GLE1: variants seen among roughly 807,000 people sequenced by gnomAD.
The protein encoded by GLE1 is GLE1 RNA export mediator.
In GLE1, 78 loss-of-function variants were observed where a neutral mutation model predicts 97.3. The observed-to-expected ratio is 0.80, with a 90% CI of 0.67 to 0.97. The LOEUF (loss-of-function observed/expected upper bound fraction) is 0.97. GLE1 is among the 50% of genes least tolerant of loss of function. The probability of loss-of-function intolerance (pLI) is 0.00; values close to 1 mark genes in which losing one functional copy is unlikely to be tolerated. For synonymous variants in GLE1, 302 were observed against 313.4 expected (o/e 0.96, Z 0.39); for missense variants, 753 against 857.5 (o/e 0.88, Z 1.52).
In GLE1 at chr9:128,536,453, A is replaced by T. The variant is rs1371800666; in HGVS notation, c.1745A>T (p.Gln582Leu). The change falls in exon 12 of 16, where the codon CAG (glutamine) becomes CTG (leucine). Residue 582 changes from glutamine (Q) to leucine (L), a missense_variant. Gln to Leu is a moderately radical substitution (Grantham distance 113). Transcript: ENST00000309971. ...GMIRLYAAII[Q>L]LRWPYGNRQE... ...ATCCGTCTCTACGCTGCTATCATCC[A>T]GCTCCGGTGGCCATATGGAAACCGA... 6.2e-7 allele frequency: 1 copy of T among 1,614,084 alleles called. No individual in the cohort carries two copies. The highest frequency in any genetic ancestry group is 8.5e-7 in the Non-Finnish European group (1 of 1,179,930).
Position 128,540,303 on chromosome 9 carries a change from A to C in GLE1, c.1993A>C (p.Met665Leu). ...RIEAITSSGQ[M>L]GSFIRLKQFL... is the part of the protein sequence containing the mutation. The stretch of plus-strand genomic sequence containing the variant: ...TGAAGCTATCACAAGCTCAGGACAG[A>C]TGGGCTCCTTCATACGCCTCAAGCA... The change falls in exon 15 of 16, where the codon ATG (methionine) becomes CTG (leucine). Residue 665 changes from methionine to leucine, a missense_variant. Met to Leu is a conservative substitution (Grantham distance 15). Transcript: ENST00000309971. The C allele has an allele frequency of 6.2e-7, 1 of 1,610,542 alleles. No individual in the cohort carries two copies. The highest frequency in any genetic ancestry group is 8.5e-7 in the Non-Finnish European group (1 of 1,176,756).
intron 11 of GLE1, among the ~76,000 whole-genome samples, chr9:128,535,108 C>CA (rs1306938378): frequency 5.9e-5 from 9 of 152,128 alleles, no homozygotes; most frequent in Admixed American, 5.2e-4. Flanking sequence ...TGCAGTGCCT[C>CA]ATGCCTGTAA....
At chr9:128,518,070 T>C (rs975751804) in intron 3 of GLE1, among the ~76,000 whole-genome samples, 2 of 152,166 alleles carry the variant, frequency 1.3e-5, no homozygotes, top group East Asian at 3.8e-4. Context: ...TGCCAGCATA[T>C]TGTTTTGGAA....
intron 3 of GLE1, among the ~76,000 whole-genome samples, chr9:128,517,327 C>T (rs1487606956): frequency 6.6e-6 from 1 of 151,898 alleles, no homozygotes; most frequent in African/African-American, 2.4e-5. Flanking sequence ...AGTCTTCTAA[C>T]ATCTTGCCTC....
chr9:128,521,423 A>T (rs569415616), intron 3 of GLE1, among the ~76,000 whole-genome samples: 51 of 152,102 alleles, frequency 3.4e-4, no homozygotes, highest in South Asian at 1.2e-3. Flanking sequence ...AGTCCCAGCT[A>T]CTCAGGTGGC....
intron 2 of GLE1, 89 bp from the exon 3 acceptor site, chr9:128,515,440 G>A: frequency 1.3e-6 from 1 of 749,140 alleles, no homozygotes; most frequent in Admixed American, 2.0e-5. Context: ...CATAAGTTGG[G>A]ATGTGGTCTT....
rs374576534 is a variant in GLE1, at chr9:128,504,791, G to C, written c.-15G>C. ...TCAGAAGGGGGGCGTCAGAGAAGCT[G>C]CCCCTTAGCCAACCATGCCGTCTGA... is the stretch of plus-strand genomic sequence containing the variant. On this transcript the variant is annotated 5_prime_UTR_variant, in exon 1 of 16. Coordinates refer to ENST00000309971, the MANE Select transcript of GLE1 (RefSeq NM_001003722.2). 1.5e-5 allele frequency: 23 copies of C among 1,557,298 alleles called. No homozygotes were observed. Among genetic ancestry groups the C allele is most frequent in the Non-Finnish European group, 1.9e-5 (22 of 1,128,662 alleles).
At position 128,527,137 on chromosome 9, in the gene GLE1, G is replaced by A. The variant is rs1439204368; in HGVS notation, c.1130-42G>A. 4.8e-6 allele frequency: 5 copies of A among 1,047,056 alleles called. No homozygotes were observed. The African/African-American group carries it at 6.2e-5, about 13-fold the overall frequency. The allele number at this position is 1,047,056 out of a possible 1,614,324, so 64.9% of individuals were successfully genotyped here. On this transcript the variant is annotated intron_variant, in intron 7 of 15. Coordinates refer to ENST00000309971, the MANE Select transcript of GLE1 (RefSeq NM_001003722.2). The stretch of plus-strand genomic sequence containing the variant: ...GTGCCTGCCTCATATTACATGTTCA[G>A]TAAATACTAGCTATTACTAAAACCT...
intron 1 of GLE1, 49 bp downstream of exon 1, chr9:128,504,953 G>A: frequency 8.0e-7 from 1 of 1,249,930 alleles, no homozygotes; most frequent in Non-Finnish European, 1.2e-6. Context: ...CCTCGCGACC[G>A]AAACCTTCTC....
chr9:128,523,529 G>A, intron 5 of GLE1, 63 bp from the exon 6 acceptor site: 1 of 1,595,536 alleles, frequency 6.3e-7, no homozygotes, highest in Non-Finnish European at 8.6e-7. Flanking sequence ...TAGAATTTGA[G>A]GACTGTAGAA....
intron 3 of GLE1, 76 bp downstream of exon 3, chr9:128,515,715 TG>T: frequency 1.3e-6 from 1 of 784,186 alleles, no homozygotes; most frequent in Non-Finnish European, 2.3e-6. Context: ...GGCGTAGGAA[TG>T]GGCACTGTAT....
chr9:128,506,284 G>A (rs1217481942), intron 1 of GLE1, among the ~76,000 whole-genome samples: 2 of 152,178 alleles, frequency 1.3e-5, no homozygotes, highest in Non-Finnish European at 2.9e-5. Flanking sequence ...AGCAGAGGTT[G>A]CAGTGAGCCG....
At chr9:128,531,987 G>A (rs1473158530) in intron 9 of GLE1, among the ~76,000 whole-genome samples, 1 of 151,780 alleles carries the variant, frequency 6.6e-6, no homozygotes, top group Non-Finnish European at 1.5e-5. Context: ...GGTATGGAGA[G>A]AGGCTAGATG....
At chr9:128,517,964 C>A (rs966828156) in intron 3 of GLE1, among the ~76,000 whole-genome samples, 3 of 151,980 alleles carry the variant, frequency 2.0e-5, no homozygotes, top group Non-Finnish European at 4.4e-5. Context: ...TATAGAGATT[C>A]CTCAGTTATC....
Position 128,540,317 on chromosome 9 carries a change from A to T in GLE1, c.2007A>T (p.Ile669=). 6.2e-7 allele frequency: 1 copy of T among 1,610,212 alleles called. No homozygotes were observed. The highest frequency in any genetic ancestry group is 8.5e-7 in the Non-Finnish European group (1 of 1,176,458). Residue 669 remains isoleucine (I), a synonymous_variant, in exon 15 of 16, where the codon ATA becomes ATT. Coordinates refer to ENST00000309971, the MANE Select transcript of GLE1 (RefSeq NM_001003722.2). ...GCTCAGGACAGATGGGCTCCTTCAT[A>T]CGCCTCAAGCAGTTCTTGGAGGTAA... ...ITSSGQMGSF[I]RLKQFLEKCL... is the part of the protein sequence containing the mutation.
Position 128,531,962 on chromosome 9 carries a change from C to T in GLE1, c.1313-1551C>T, listed in dbSNP as rs142709172. 4.2e-3 allele frequency among the ~76,000 whole-genome samples: 638 copies of T among 151,802 alleles called. 7 individuals carry two copies. The highest frequency in any genetic ancestry group is 0.015 in the African/African-American group (618 of 41,438). Reference sequence around the variant, plus strand: ...CTAGGGTTGGAAGCTAACTAACTTTCCTCCTACCTAGAGAGGTATGGAGAG... The same window carrying T: ...CTAGGGTTGGAAGCTAACTAACTTTTCTCCTACCTAGAGAGGTATGGAGAG... On this transcript the variant is annotated intron_variant, in intron 9 of 15. Transcript: ENST00000309971.
chr9:128,508,929 G>C lies in GLE1; in HGVS notation c.153G>C (p.Trp51Cys). 6.2e-7 allele frequency: 1 copy of C among 1,610,818 alleles called. No homozygotes were observed. Among genetic ancestry groups the C allele is most frequent in the Non-Finnish European group, 8.5e-7 (1 of 1,177,044 alleles). The change falls in exon 2 of 16, where the codon TGG (tryptophan) becomes TGC (cysteine). Residue 51 changes from tryptophan to cysteine, a missense_variant. Transcript: ENST00000309971. Reference protein sequence around the residue: ...SLPKLSSYSGWVVEHVLPHMQ... With the variant: ...SLPKLSSYSGCVVEHVLPHMQ... The stretch of plus-strand genomic sequence containing the variant: ...CCAAGCTATCTTCTTATTCTGGATG[G>C]GTGGTAGAGCACGTCCTACCCCATA...
chr9:128,538,212 C>T, intron 13 of GLE1, 122 bp downstream of exon 13: 1 of 702,180 alleles, frequency 1.4e-6, no homozygotes, highest in Non-Finnish European at 2.6e-6. Flanking sequence ...CATGAGGTTC[C>T]AGTGTCATAC....
intron 9 of GLE1, among the ~76,000 whole-genome samples, chr9:128,527,950 C>T (rs1350391252): frequency 1.3e-5 from 2 of 149,668 alleles, no homozygotes; most frequent in African/African-American, 2.5e-5. Context: ...GGTGACAGAG[C>T]GAGACTCTGT....
Sources: allele counts gnomAD v4.1 joint callset (sites outside exome capture counted in the v4.1 genomes callset), GRCh38; gene constraint gnomAD v4.1.1; transcripts MANE v1.5; gene names NCBI Gene and HGNC (gene_info 2026-07-23, HGNC 2026-07-21).